The following MFN2 variants were observed in gnomAD, a reference collection of about 807,000 sequenced individuals.
MFN2 encodes mitofusin 2, also known as mitofusin-2.
A neutral mutation model predicts 87.5 loss-of-function variants in MFN2; 43 were observed. The observed-to-expected ratio is 0.49, with a 90% CI of 0.38 to 0.63. MFN2 has a LOEUF of 0.63. MFN2 is among the 30% of genes least tolerant of loss of function. MFN2 has a pLI of 0.00. For synonymous variants in MFN2, 337 were observed against 359.9 expected (o/e 0.94, Z 0.72); for missense variants, 743 against 972.8 (o/e 0.76, Z 3.14).
intron 6 of MFN2, among the ~76,000 whole-genome samples, chr1:11,998,543 A>G (rs894404698): frequency 9.0e-6 from 1 of 110,610 alleles, no homozygotes. Context: ...GCAAGACTCT[A>G]TATCCAAAAA....
At chr1:11,992,733 G>C in intron 4 of MFN2, 43 bp downstream of exon 4, 1 of 1,613,976 alleles carries the variant, frequency 6.2e-7, no homozygotes, top group African/African-American at 1.3e-5. Context: ...TCCTGGCTAG[G>C]AGGGAGGGAG....
chr1:11,982,577 G>A (rs1183426986), intron 2 of MFN2: 1 of 152,174 alleles, frequency 6.6e-6, no homozygotes, highest in Non-Finnish European at 1.5e-5. Context: ...AGGAGTTGCT[G>A]TACATAACAC....
At chr1:12,007,364 T>C in intron 17 of MFN2, 115 bp downstream of exon 17, 1 of 1,309,222 alleles carries the variant, frequency 7.6e-7, no homozygotes, top group Non-Finnish European at 1.1e-6. Context: ...CTAAGCATCG[T>C]AGACCCTGGG....
Position 12,012,017 on chromosome 1 carries a change from TTCCCAGAGAGTCTG to T in MFN2, c.*460_*473del, listed in dbSNP as rs1276338902. The T allele has an allele frequency of 2.3e-5, 5 of 217,818 alleles. No individual in the cohort carries two copies. Among genetic ancestry groups the T allele is most frequent in the African/African-American group, 1.1e-4 (5 of 44,398 alleles). 13.5% of individuals were successfully genotyped at this position (217,818 alleles called of 1,614,324 possible). A position where few individuals can be genotyped will look rare whatever the true frequency, so the allele number is the denominator to read the frequency against. Reference sequence around the variant, plus strand: ...AGGTGTAAGGGACGATTGGAGTTTCTTCCCAGAGAGTCTGTCCCAGAAGGACTGTGGCTTGTGTG... The same window carrying T: ...AGGTGTAAGGGACGATTGGAGTTTCTTCCCAGAAGGACTGTGGCTTGTGTG... On this transcript the variant is annotated 3_prime_UTR_variant, in exon 19 of 19. Transcript: ENST00000235329.
chr1:11,989,526 G>T (rs1182579858), intron 3 of MFN2, among the ~76,000 whole-genome samples, 183 bp downstream of exon 3: 1 of 152,118 alleles, frequency 6.6e-6, no homozygotes, highest in Non-Finnish European at 1.5e-5. Context: ...GGAAGACAAG[G>T]GAACTGCCAT....
intron 17 of MFN2, among the ~76,000 whole-genome samples, chr1:12,009,308 A>G (rs1639585624): frequency 6.6e-6 from 1 of 152,168 alleles, no homozygotes; most frequent in Admixed American, 6.5e-5. Context: ...GTCCTCTGCT[A>G]CTCGGCTGAT....
intron 2 of MFN2, among the ~76,000 whole-genome samples, chr1:11,988,162 G>A (rs533404128): frequency 1.2e-4 from 18 of 151,846 alleles, no homozygotes; most frequent in Non-Finnish European, 2.1e-4. Flanking sequence ...GAGTACAGTG[G>A]TGCGATCTCG....
chr1:11,987,620 ACT>A lies in MFN2; in HGVS notation c.-4-1542_-4-1541del, dbSNP rs544741280. Among the ~76,000 whole-genome samples, 44 of 105,302 alleles carry A rather than the reference ACT, an allele frequency of 4.2e-4. 1 individual carries two copies. In the East Asian group the frequency reaches 0.011, roughly 25 times the overall value. The allele number at this position is 105,302 out of a possible 152,430, so 69.1% of individuals were successfully genotyped here. On this transcript the variant is annotated intron_variant, in intron 2 of 18. Transcript: ENST00000235329. The stretch of plus-strand genomic sequence containing the variant: ...ACTCCAGCCTGAGCGATAGAGCAAG[ACT>A]CTGTCTCAGAAAAAAAAAAAAAAAA...
In MFN2 at chr1:11,996,305, A is replaced by G; in HGVS notation, c.461A>G (p.Lys154Arg). Residue 154 changes from lysine (K) to arginine (R), a missense_variant, in exon 5 of 19, where the codon AAG becomes AGG. Coordinates refer to ENST00000235329, the MANE Select transcript of MFN2 (RefSeq NM_014874.4). The part of the protein sequence containing the change: ...AFLLTEGSEE[K>R]RSAKTVNQLA... ...CTCCTTACCGAGGGCTCAGAGGAAA[A>G]GAGGAGTGCCAAGGTGAGGGTGCCA... 6.2e-7 allele frequency: 1 copy of G among 1,614,120 alleles called. No individual in the cohort carries two copies. Among genetic ancestry groups the G allele is most frequent in the Non-Finnish European group, 8.5e-7 (1 of 1,180,026 alleles).
At position 11,992,623 on chromosome 1, in the gene MFN2, C is replaced by T. The variant is rs1194973053; in HGVS notation, c.244C>T (p.Leu82=). ...ACAGGTTCTGGACGTCAAAGGTTACCTATCCAAAGTGAGAGGCATCAGTGA... is the reference window on the plus strand; with the variant it reads ...ACAGGTTCTGGACGTCAAAGGTTACTTATCCAAAGTGAGAGGCATCAGTGA... ...EEQVLDVKGY[L]SKVRGISEVL... is the part of the protein sequence containing the mutation. Residue 82 remains leucine (L), a synonymous_variant, in exon 4 of 19, where the codon CTA becomes TTA. Coordinates refer to ENST00000235329, the MANE Select transcript of MFN2 (RefSeq NM_014874.4). 3.1e-6 allele frequency: 5 copies of T among 1,614,078 alleles called. No individual in the cohort carries two copies. In the African/African-American group the frequency reaches 6.7e-5, roughly 22 times the overall value.
At chr1:11,988,293 C>T (rs182157722) in intron 2 of MFN2, among the ~76,000 whole-genome samples, 57 of 151,784 alleles carry the variant, frequency 3.8e-4, no homozygotes, top group Middle Eastern at 6.9e-3. Flanking sequence ...TTAGTAGAGA[C>T]GGGGTTTCAT....
intron 4 of MFN2, among the ~76,000 whole-genome samples, chr1:11,993,747 A>AT (rs1341910327): frequency 1.4e-3 from 215 of 152,188 alleles, no homozygotes; most frequent in Non-Finnish European, 2.6e-3. Context: ...AAAAAAAAAA[A>AT]AAATCTAAAA....
In MFN2 at chr1:12,004,748, T is replaced by A; in HGVS notation, c.1393-77T>A. On this transcript the variant is annotated intron_variant, in intron 13 of 18. Coordinates refer to ENST00000235329, the MANE Select transcript of MFN2 (RefSeq NM_014874.4). This position sits in a 1 kb window ranked among gnomAD's most constrained non-coding sequence, Gnocchi z 4.2. ...AAGGCCCAGGCTTCCGTCAGCCTTC[T>A]GGGGTCACCTGGTGGATGTGGCCTG... The A allele has an allele frequency of 6.6e-7, 1 of 1,517,996 alleles. No individual in the cohort carries two copies. 94.0% of individuals were successfully genotyped at this position (1,517,996 alleles called of 1,614,324 possible). A position where few individuals can be genotyped will look rare whatever the true frequency, so the allele number is the denominator to read the frequency against.
At chr1:11,995,885 G>T (rs1420891573) in intron 4 of MFN2, among the ~76,000 whole-genome samples, 2 of 152,184 alleles carry the variant, frequency 1.3e-5, no homozygotes, top group Non-Finnish European at 2.9e-5. Flanking sequence ...GTGTTGCTGA[G>T]GGTGGCTGTG....
rs35943162 is a variant in MFN2, at chr1:12,013,194, GA to G, written c.*1640del. The G allele has an allele frequency of 0.01, 2,994 of 299,194 alleles. No homozygotes were observed. The highest frequency in any genetic ancestry group is 0.015 in the South Asian group (515 of 35,294). The allele number at this position is 299,194 out of a possible 1,614,324, so 18.5% of individuals were successfully genotyped here. On this transcript the variant is annotated 3_prime_UTR_variant, in exon 19 of 19. Coordinates refer to ENST00000235329, the MANE Select transcript of MFN2 (RefSeq NM_014874.4). ...TTCCAATGGATTTTGTGCTCTTTTT[GA>G]AAAAAAAAAATTCTTTAGCGTAAAC...
chr1:11,999,069 G>C lies in MFN2; in HGVS notation c.790G>C (p.Ala264Pro), dbSNP rs1444952735. The C allele has an allele frequency of 6.2e-7, 1 of 1,614,222 alleles. No individual in the cohort carries two copies. Among genetic ancestry groups the C allele is most frequent in the Non-Finnish European group, 8.5e-7 (1 of 1,180,038 alleles). ...FILNNRWDAS[A>P]SEPEYMEEVR... ...CCTGAACAACCGCTGGGATGCATCT[G>C]CCTCAGAGCCCGAGTACATGGAGGA... Residue 264 changes from alanine to proline, a missense_variant, in exon 8 of 19, where the codon GCC becomes CCC. Transcript: ENST00000235329.
chr1:11,991,925 A>G (rs1336187715), intron 3 of MFN2, among the ~76,000 whole-genome samples: 1 of 114,806 alleles, frequency 8.7e-6, no homozygotes, highest in Non-Finnish European at 1.8e-5. Flanking sequence ...CTCCGTCTCA[A>G]AAAAAAAAAA....
intron 6 of MFN2, 32 bp from the exon 7 acceptor site, chr1:11,998,738 C>CT (rs751533738): frequency 1.3e-6 from 2 of 1,595,682 alleles, no homozygotes; most frequent in Admixed American, 1.7e-5. Context: ...CCTGCTCTGC[C>CT]TGATGATTTG....
chr1:11,983,167 G>C (rs1646016721), intron 2 of MFN2, among the ~76,000 whole-genome samples: 1 of 152,064 alleles, frequency 6.6e-6, no homozygotes, highest in Non-Finnish European at 1.5e-5. Flanking sequence ...CTGCCTCCCA[G>C]GTTCACACTA....
Sources: allele counts gnomAD v4.1 joint callset (sites outside exome capture counted in the v4.1 genomes callset), GRCh38; gene constraint gnomAD v4.1.1; non-coding constraint Gnocchi (gnomAD v3.1); transcripts MANE v1.5; gene names NCBI Gene and HGNC (gene_info 2026-07-23, HGNC 2026-07-21).